Variants in HSPG2 observed in about 807,000 individuals in gnomAD.
HSPG2 encodes the protein heparan sulfate proteoglycan 2.
In HSPG2, 278 loss-of-function variants were observed where a neutral mutation model predicts 526.6. The ratio of observed to expected loss-of-function variants is 0.53; its 90% CI spans 0.48 to 0.58. The LOEUF is 0.58. HSPG2 is among the 20% of genes least tolerant of loss of function. HSPG2 has a pLI of 0.00. For synonymous variants in HSPG2, 2,465 were observed against 2,555.4 expected, an observed-to-expected ratio of 0.96 and a Z score of 1.07; for missense variants, 5,354 against 6,099.5, an observed-to-expected ratio of 0.88 and a Z score of 4.07.
Position 21,847,332 on chromosome 1 carries a change from T to A in HSPG2, c.8164+22A>T. The A allele has an allele frequency of 6.2e-7, 1 of 1,613,666 alleles. No homozygotes were observed. The highest frequency in any genetic ancestry group is 8.5e-7 in the Non-Finnish European group (1 of 1,179,932). ...GGAACACTGTTGCCTGCATCCCTCG[T>A]CCCTTTCCTAGGCAGACTCACCGGA... On this transcript the variant is annotated intron_variant, in intron 62 of 96. Coordinates refer to ENST00000374695, the MANE Select transcript of HSPG2 (RefSeq NM_005529.7). The surrounding 1 kb of genome is among the most constrained non-coding windows in gnomAD (Gnocchi z 4.1).
intron 68 of HSPG2, 44 bp from the exon 69 acceptor site, chr1:21,842,186 T>C: frequency 6.2e-7 from 1 of 1,612,916 alleles, no homozygotes; most frequent in Non-Finnish European, 8.5e-7. Context: ...AGGGGTGGGC[T>C]TAGCTTCAGG....
At position 21,848,895 on chromosome 1, in the gene HSPG2, T is replaced by C. The variant is rs750773157; in HGVS notation, c.7583A>G (p.His2528Arg). The change falls in exon 58 of 97, where the codon CAC becomes CGC. Residue 2528 changes from histidine (H) to arginine (R), a missense_variant and splice_region_variant. Physicochemically the swap from His to Arg is conservative, Grantham distance 29 (BLOSUM62 0). Coordinates refer to ENST00000374695, the MANE Select transcript of HSPG2 (RefSeq NM_005529.7). This position sits in a 1 kb window ranked among gnomAD's most constrained non-coding sequence, Gnocchi z 4.9. ...VTIQQRLSGS[H>R]SQGVAYPVRI... is the part of the protein sequence containing the mutation. ...TGCATGACCCCCGAGACACTCACAG[T>C]GGGAGCCACTAAGGCGCTGCTGGAT... The C allele has an allele frequency of 9.9e-6, 16 of 1,611,194 alleles. No homozygotes were observed. The South Asian group carries it at 1.8e-4, about 18-fold the overall frequency.
chr1:21,855,966 C>T (rs138251496), intron 44 of HSPG2, 54 bp from the exon 45 acceptor site: 2 of 1,595,726 alleles, frequency 1.3e-6, no homozygotes, highest in South Asian at 2.2e-5. Context: ...TCGTCTGACT[C>T]ACACAACAGT....
intron 1 of HSPG2, among the ~76,000 whole-genome samples, chr1:21,933,114 G>C (rs1644387179): frequency 6.6e-6 from 1 of 152,016 alleles, no homozygotes; most frequent in Non-Finnish European, 1.5e-5. Context: ...CAGCTACTCA[G>C]GGGGCTGAGG....
chr1:21,855,454 C>CAA lies in HSPG2; in HGVS notation c.5855-9_5855-8insTT. On this transcript the variant is annotated splice_polypyrimidine_tract_variant and intron_variant, in intron 46 of 96. Transcript: ENST00000374695. ...CTCTGGGCCCACCGCCCCCTGCAGACAGAGTCCTGTGAGAACACGCCCTGG... is the reference window on the plus strand; with the variant it reads ...CTCTGGGCCCACCGCCCCCTGCAGACAAAGAGTCCTGTGAGAACACGCCCTGG... 6.2e-7 allele frequency: 1 copy of CAA among 1,613,090 alleles called. No homozygotes were observed. The highest frequency in any genetic ancestry group is 8.5e-7 in the Non-Finnish European group (1 of 1,179,876).
At chr1:21,878,354 CAGGGAGGG>C in intron 20 of HSPG2, 71 bp downstream of exon 20, 1 of 1,570,352 alleles carries the variant, frequency 6.4e-7, no homozygotes, top group Admixed American at 1.8e-5. Flanking sequence ...TGAGCTGGGG[CAGGGAGGG>C]AGGGTGCCTG....
rs1642490228 is a variant in HSPG2 at position 21,893,188 on chromosome 1, G to A, written c.245-2494C>T. On this transcript the variant is annotated intron_variant, in intron 3 of 96. Transcript: ENST00000374695. The surrounding 1 kb of genome is among the most constrained non-coding windows in gnomAD (Gnocchi z 4.3). ...CCAGGCCCCCGAACTCCAGCCCTGG[G>A]TCCCTGTGGGTCCCTCGGGTGGGCC... is the stretch of plus-strand genomic sequence containing the variant. 6.6e-6 allele frequency among the ~76,000 whole-genome samples: 1 copy of A among 152,224 alleles called. No individual in the cohort carries two copies. Among genetic ancestry groups the A allele is most frequent in the Admixed American group, 6.5e-5 (1 of 15,288 alleles).
chr1:21,899,056 G>C (rs1280971496), intron 1 of HSPG2, among the ~76,000 whole-genome samples: 1 of 152,218 alleles, frequency 6.6e-6, no homozygotes, highest in East Asian at 1.9e-4. Context: ...AGCACGTCGG[G>C]ACTTGGACAG....
intron 1 of HSPG2, among the ~76,000 whole-genome samples, chr1:21,915,259 T>G (rs1431200329): frequency 6.6e-6 from 1 of 152,188 alleles, no homozygotes; most frequent in Non-Finnish European, 1.5e-5. Context: ...AGCCGGCACC[T>G]CTGCTGGGAG....
Position 21,836,913 on chromosome 1 carries a change from G to A in HSPG2, c.10244C>T (p.Ala3415Val), listed in dbSNP as rs1180071344. The A allele has an allele frequency of 6.4e-7, 1 of 1,560,612 alleles. No homozygotes were observed. The change falls in exon 75 of 97, where the codon GCC (alanine) becomes GTC (valine). Residue 3415 changes from alanine to valine, a missense_variant. Transcript: ENST00000374695. ...TPQLETKSIGASVEFHCAVPS... is the reference protein window; with the variant it reads ...TPQLETKSIGVSVEFHCAVPS... ...CACAGCACAGTGGAACTCAACGCTG[G>A]CCCCAATGCTCTTGGTCTCTAGCTG...
chr1:21,889,122 G>T (rs1237693667), intron 6 of HSPG2, among the ~76,000 whole-genome samples: 1 of 152,124 alleles, frequency 6.6e-6, no homozygotes, highest in Non-Finnish European at 1.5e-5. Context: ...GGAGGTGATG[G>T]TTTCACTGTC....
Position 21,884,792 on chromosome 1 carries a change from A to G in HSPG2, c.1482T>C (p.Gly494=). 6.2e-7 allele frequency: 1 copy of G among 1,613,694 alleles called. No individual in the cohort carries two copies. The change falls in exon 12 of 97, where the codon GGT becomes GGC. Residue 494 remains glycine, a synonymous_variant. Coordinates refer to ENST00000374695, the MANE Select transcript of HSPG2 (RefSeq NM_005529.7). Reference sequence around the variant, plus strand: ...CTCGTTGTGGGACGAGCTCAAGGACACCGTCAGGAATGCCAAACACCATGC... The same window carrying G: ...CTCGTTGTGGGACGAGCTCAAGGACGCCGTCAGGAATGCCAAACACCATGC... ...ARGMVFGIPD[G]VLELVPQRGP... is the part of the protein sequence containing the mutation.
intron 91 of HSPG2, among the ~76,000 whole-genome samples, chr1:21,827,207 T>TA (rs986672435): frequency 7.3e-5 from 11 of 150,996 alleles, no homozygotes; most frequent in African/African-American, 1.9e-4. Context: ...GACTCCACCT[T>TA]AAAAAAAAAT....
intron 75 of HSPG2, 97 bp downstream of exon 75, chr1:21,836,705 T>G (rs899967507): frequency 3.8e-6 from 4 of 1,050,286 alleles, no homozygotes; most frequent in Non-Finnish European, 5.7e-6. Flanking sequence ...AGGACAGTGC[T>G]TCATGTTGCG....
At chr1:21,833,144 G>A in intron 80 of HSPG2, 124 bp downstream of exon 80, 1 of 829,698 alleles carries the variant, frequency 1.2e-6, no homozygotes, top group Admixed American at 1.9e-5. Flanking sequence ...GGCTTCTGGA[G>A]AGGGAGGGCT....
In HSPG2 at chr1:21,833,887, G is replaced by A; in HGVS notation, c.10759C>T (p.Pro3587Ser). ...GGGAAGACAGCTGCAGAACCAGCAGGCACACGGACTTCTTGGGGCATTGAG... is the reference window on the plus strand; with the variant it reads ...GGGAAGACAGCTGCAGAACCAGCAGACACACGGACTTCTTGGGGCATTGAG... ...QISMPQEVRV[P>S]AGSAAVFPCI... The change falls in exon 78 of 97, where the codon CCT (proline) becomes TCT (serine). Residue 3587 changes from proline (P) to serine (S), a missense_variant. Pro to Ser is a moderately conservative substitution (Grantham distance 74). Coordinates refer to ENST00000374695, the MANE Select transcript of HSPG2 (RefSeq NM_005529.7). 6.2e-7 allele frequency: 1 copy of A among 1,600,494 alleles called. No homozygotes were observed. Among genetic ancestry groups the A allele is most frequent in the Non-Finnish European group, 8.5e-7 (1 of 1,173,394 alleles).
chr1:21,838,968 C>T lies in HSPG2; in HGVS notation c.10007G>A (p.Gly3336Asp), dbSNP rs1462322009. Residue 3336 changes from glycine to aspartate, a missense_variant, in exon 74 of 97, where the codon GGC becomes GAC. By Grantham distance (94) the Gly-to-Asp change is moderately conservative. Coordinates refer to ENST00000374695, the MANE Select transcript of HSPG2 (RefSeq NM_005529.7). ...PPLTFQWSRV[G>D]SSLPGRATAR... is the part of the protein sequence containing the mutation. ...GGTCGCCCTCCCAGGAAGGCTGCTG[C>T]CCACGCGGCTCCACTGGAAGGTGAG... 3.7e-6 allele frequency: 6 copies of T among 1,612,542 alleles called. No individual in the cohort carries two copies. The South Asian group carries it at 5.5e-5, about 15-fold the overall frequency.
rs556489298 is a variant in HSPG2, at chr1:21,878,543, C to T, written c.2558+34G>A. 2.1e-5 allele frequency: 34 copies of T among 1,613,716 alleles called. No individual in the cohort carries two copies. In the East Asian group the frequency reaches 2.5e-4, roughly 12 times the overall value. On this transcript the variant is annotated intron_variant, in intron 19 of 96. Transcript: ENST00000374695. ...GCACTTCCATGACCCCACCCAGGAG[C>T]CCCCTTCCTGCAGCCCCCAAGGCTC...
Position 21,872,777 on chromosome 1 carries a change from A to G in HSPG2, c.3889-17T>C. 6.2e-7 allele frequency: 1 copy of G among 1,606,192 alleles called. No homozygotes were observed. The highest frequency in any genetic ancestry group is 1.1e-5 in the South Asian group (1 of 89,522). On this transcript the variant is annotated splice_polypyrimidine_tract_variant and intron_variant, in intron 31 of 96. Coordinates refer to ENST00000374695, the MANE Select transcript of HSPG2 (RefSeq NM_005529.7). The surrounding 1 kb of genome is among the most constrained non-coding windows in gnomAD (Gnocchi z 5.5). Reference sequence around the variant, plus strand: ...CACCTGGGCCTGGGTAGACGGATGGAAGGAGGCAGGCAGGGGACTCAGTGG... The same window carrying G: ...CACCTGGGCCTGGGTAGACGGATGGGAGGAGGCAGGCAGGGGACTCAGTGG...
Sources: gnomAD v4.1 joint callset for allele counts (sites outside exome capture counted in the v4.1 genomes callset) on GRCh38, gnomAD v4.1.1 for gene constraint, Gnocchi (gnomAD v3.1) non-coding constraint, MANE v1.5 for transcripts, NCBI Gene and HGNC (gene_info 2026-07-23, HGNC 2026-07-21) for gene names.